The following WDR72 variants were observed in gnomAD, a reference collection of about 807,000 sequenced individuals.
WDR72 encodes the protein WD repeat domain 72, also known as WD repeat-containing protein 72.
WDR72 carries 120 observed loss-of-function variants against 124.2 expected under a neutral mutation model. The ratio of observed to expected loss-of-function variants is 0.97; its 90% CI spans 0.83 to 1.12. The LOEUF is 1.12. WDR72 is among the 50% of genes most tolerant of loss of function. The pLI is 0.00. For missense variants in WDR72, 1,387 were observed against 1,278.8 expected (o/e 1.08, Z -1.29); for synonymous variants, 452 against 441.7 (o/e 1.02, Z -0.29).
At chr15:53,621,168 A>C (rs1020114723) in intron 14 of WDR72, among the ~76,000 whole-genome samples, 2 of 151,964 alleles carry the variant, frequency 1.3e-5, no homozygotes, top group Non-Finnish European at 2.9e-5. Flanking sequence ...TGTGGTAAAC[A>C]GGGAGTGCTT....
At chr15:53,740,062 A>G (rs2018466444) in intron 1 of WDR72, among the ~76,000 whole-genome samples, 1 of 152,172 alleles carries the variant, frequency 6.6e-6, no homozygotes, top group Non-Finnish European at 1.5e-5. Flanking sequence ...TGCAGTATTT[A>G]TATTCCTATT....
chr15:53,724,790 C>T (rs1032757476), intron 2 of WDR72, among the ~76,000 whole-genome samples: 1 of 152,174 alleles, frequency 6.6e-6, no homozygotes, highest in Non-Finnish European at 1.5e-5. Context: ...TCACTCTGTA[C>T]ATCTTAAACC....
At chr15:53,710,771 A>G in intron 9 of WDR72, 86 bp downstream of exon 9, 1 of 1,138,402 alleles carries the variant, frequency 8.8e-7, no homozygotes, top group Non-Finnish European at 1.3e-6. Context: ...AATTTTTTCA[A>G]GCCTGATTCT....
chr15:53,743,680 T>C (rs1335940009), intron 1 of WDR72, among the ~76,000 whole-genome samples: 1 of 152,154 alleles, frequency 6.6e-6, no homozygotes, highest in African/African-American at 2.4e-5. Context: ...ATATTCCACA[T>C]AAAAATCTTT....
At chr15:53,629,901 G>C (rs2014356481) in intron 14 of WDR72, among the ~76,000 whole-genome samples, 1 of 152,086 alleles carries the variant, frequency 6.6e-6, no homozygotes, top group South Asian at 2.1e-4. Flanking sequence ...TATTTCACCT[G>C]CCTCCCAGCT....
intron 18 of WDR72, among the ~76,000 whole-genome samples, chr15:53,529,809 C>G (rs1892351545): frequency 6.6e-6 from 1 of 151,882 alleles, no homozygotes; most frequent in South Asian, 2.1e-4. Flanking sequence ...AAAGCCAACT[C>G]AAATCAAATT....
At chr15:53,592,637 A>G (rs1382735559) in intron 18 of WDR72, among the ~76,000 whole-genome samples, 2 of 152,150 alleles carry the variant, frequency 1.3e-5, no homozygotes, top group African/African-American at 4.8e-5. Flanking sequence ...CGTTTTCACA[A>G]CCACATGGTT....
intron 1 of WDR72, among the ~76,000 whole-genome samples, chr15:53,758,397 G>A (rs2018970634): frequency 6.6e-6 from 1 of 151,920 alleles, no homozygotes; most frequent in Non-Finnish European, 1.5e-5. Context: ...TTAATTTTTA[G>A]GTTAAAAAAA....
At chr15:53,519,804 A>G (rs1263400458) in intron 19 of WDR72, among the ~76,000 whole-genome samples, 1 of 152,032 alleles carries the variant, frequency 6.6e-6, no homozygotes, top group African/African-American at 2.4e-5. Flanking sequence ...ATCACTCCAC[A>G]AGCCATCTAA....
In WDR72 at chr15:53,615,550, T is replaced by C. The variant is rs2013721047; in HGVS notation, c.2656A>G (p.Arg886Gly). The C allele has an allele frequency of 6.2e-7, 1 of 1,612,952 alleles. No homozygotes were observed. The highest frequency in any genetic ancestry group is 8.5e-7 in the Non-Finnish European group (1 of 1,179,456). The change falls in exon 15 of 20, where the codon AGA becomes GGA. Residue 886 changes from arginine to glycine, a missense_variant. By Grantham distance (125) the Arg-to-Gly change is moderately radical. Coordinates refer to ENST00000360509, the MANE Select transcript of WDR72 (RefSeq NM_182758.4). The stretch of plus-strand genomic sequence containing the variant: ...GAATCACAATTATTTTCCAATCCTC[T>C]TGGAATTCCAACCTGATTTGGAAGA... ...ATLPNQVGIP[R>G]GLENNCDSLR...
chr15:53,679,565 T>A (rs571600481), intron 13 of WDR72, among the ~76,000 whole-genome samples: 1 of 152,020 alleles, frequency 6.6e-6, no homozygotes, highest in Non-Finnish European at 1.5e-5. Flanking sequence ...AAGAAGGACA[T>A]TGATGGCAGA....
rs748398005 is a variant in WDR72 at position 53,625,777 on chromosome 15, A to G, written c.1963-9534T>C. On this transcript the variant is annotated intron_variant, in intron 14 of 19. Transcript: ENST00000360509. ...CAAAGTACATATAAAAAGGAAAAACAGAAAGGACCAACTGTTCAGACAAAA... is the reference window on the plus strand; with the variant it reads ...CAAAGTACATATAAAAAGGAAAAACGGAAAGGACCAACTGTTCAGACAAAA... 2.0e-5 allele frequency among the ~76,000 whole-genome samples: 3 copies of G among 148,908 alleles called. No homozygotes were observed. In the East Asian group the frequency reaches 6.0e-4, roughly 30 times the overall value.
chr15:53,587,431 A>G (rs2012270175), intron 18 of WDR72, among the ~76,000 whole-genome samples: 1 of 152,042 alleles, frequency 6.6e-6, no homozygotes, highest in African/African-American at 2.4e-5. Flanking sequence ...GGTCTTATGT[A>G]TACCACAGCA....
intron 13 of WDR72, among the ~76,000 whole-genome samples, chr15:53,698,108 A>G (rs562123441): frequency 6.6e-6 from 1 of 152,362 alleles, no homozygotes; most frequent in South Asian, 2.1e-4. Flanking sequence ...AAAAGAAATA[A>G]CAAAATTAAA....
At chr15:53,641,373 G>A (rs1355386757) in intron 14 of WDR72, among the ~76,000 whole-genome samples, 1 of 151,936 alleles carries the variant, frequency 6.6e-6, no homozygotes, top group South Asian at 2.1e-4. Flanking sequence ...GTGTATGTGT[G>A]TATGGAGATA....
intron 19 of WDR72, among the ~76,000 whole-genome samples, chr15:53,520,099 TG>T (rs764801564): frequency 0.092 from 14,067 of 152,094 alleles, 756 homozygotes; most frequent in East Asian, 0.24. Flanking sequence ...TTTCTGCCTA[TG>T]AAAATACGTT....
chr15:53,543,948 A>G (rs1312663840), intron 18 of WDR72, among the ~76,000 whole-genome samples: 2 of 152,146 alleles, frequency 1.3e-5, no homozygotes, highest in African/African-American at 4.8e-5. Context: ...ACACTCTCCC[A>G]AGACTGAACC....
intron 18 of WDR72, among the ~76,000 whole-genome samples, chr15:53,592,735 T>C (rs2012569529): frequency 6.6e-6 from 1 of 152,090 alleles, no homozygotes; most frequent in African/African-American, 2.4e-5. Flanking sequence ...ATTTATTTAA[T>C]GGAACAATTT....
chr15:53,653,782 T>C (rs2015323397), intron 14 of WDR72, among the ~76,000 whole-genome samples: 1 of 152,182 alleles, frequency 6.6e-6, no homozygotes, highest in Non-Finnish European at 1.5e-5. Context: ...TGTGTAAACC[T>C]TACGGGACAT....
Sources: allele counts gnomAD v4.1 joint callset (sites outside exome capture counted in the v4.1 genomes callset), GRCh38; gene constraint gnomAD v4.1.1; transcripts MANE v1.5; gene names NCBI Gene and HGNC (gene_info 2026-07-23, HGNC 2026-07-21).